Variants in NPLOC4 observed in about 807,000 individuals in gnomAD.
NPLOC4 encodes NPL4 homolog, ubiquitin recognition factor.
NPLOC4 carries 18 observed loss-of-function variants against 80.6 expected under a neutral mutation model. The observed-to-expected ratio is 0.22, with a 90% CI of 0.15 to 0.33. NPLOC4 has a LOEUF of 0.33. Ranked by LOEUF, NPLOC4 falls within the 10% of genes least tolerant of loss-of-function variation. The pLI is 1.00. For synonymous variants in NPLOC4, 313 were observed against 301.5 expected (o/e 1.04, Z -0.39); for missense variants, 540 against 786.1 (o/e 0.69, Z 3.74).
chr17:81,603,061 T>TA, intron 8 of NPLOC4, among the ~76,000 whole-genome samples: 1 of 149,812 alleles, frequency 6.7e-6, no homozygotes, highest in Non-Finnish European at 1.5e-5. Flanking sequence ...CCCAGACACT[T>TA]GGGAGGCTGA....
At chr17:81,631,406 G>C in intron 1 of NPLOC4, among the ~76,000 whole-genome samples, 1 of 119,332 alleles carries the variant, frequency 8.4e-6, no homozygotes, top group Non-Finnish European at 1.8e-5. Flanking sequence ...GTGCATATAT[G>C]CATATTAAAG....
At chr17:81,599,073 G>C (rs2034996839) in intron 9 of NPLOC4, among the ~76,000 whole-genome samples, 1 of 152,226 alleles carries the variant, frequency 6.6e-6, no homozygotes, top group African/African-American at 2.4e-5. Flanking sequence ...TGGATCACCT[G>C]AGGTCGAGAG....
intron 16 of NPLOC4, 76 bp from the exon 17 acceptor site, chr17:81,559,492 G>T: frequency 6.7e-7 from 1 of 1,481,550 alleles, no homozygotes; most frequent in Non-Finnish European, 9.1e-7. Flanking sequence ...CATGGGGGCA[G>T]GGGCAGGCAG....
chr17:81,601,158 T>C (rs1286213329), intron 8 of NPLOC4, among the ~76,000 whole-genome samples: 2 of 152,190 alleles, frequency 1.3e-5, no homozygotes, highest in Non-Finnish European at 2.9e-5. Context: ...TTGCGGGTCA[T>C]TCAAAGGTAT....
intron 12 of NPLOC4, among the ~76,000 whole-genome samples, chr17:81,579,683 C>G (rs62073414): frequency 0.082 from 12,524 of 152,218 alleles, 589 homozygotes; most frequent in Middle Eastern, 0.17. Flanking sequence ...CCCTTCCTCT[C>G]TGTGTGCCAA....
chr17:81,628,649 C>T (rs1445854812), intron 2 of NPLOC4, among the ~76,000 whole-genome samples: 1 of 152,116 alleles, frequency 6.6e-6, no homozygotes, highest in African/African-American at 2.4e-5. Context: ...TGAAGAGAAA[C>T]AACACCAGAC....
rs543940130 is a variant in NPLOC4 at position 81,577,031 on chromosome 17, C to T, written c.1282-4943G>A. 2.4e-4 allele frequency among the ~76,000 whole-genome samples: 37 copies of T among 152,222 alleles called. No homozygotes were observed. The highest frequency in any genetic ancestry group is 4.6e-4 in the Non-Finnish European group (31 of 68,038). ...TAAAGCATGCACTAAGAATGAGTTA[C>T]AGGGTCCACCAAGTGCTGTTCACAG... is the stretch of plus-strand genomic sequence containing the variant. On this transcript the variant is annotated intron_variant, in intron 12 of 16. Coordinates refer to ENST00000331134, the MANE Select transcript of NPLOC4 (RefSeq NM_017921.4). This position sits in a 1 kb window ranked among gnomAD's most constrained non-coding sequence, Gnocchi z 4.3.
intron 1 of NPLOC4, among the ~76,000 whole-genome samples, chr17:81,632,830 C>G (rs1461271342): frequency 6.6e-6 from 1 of 152,092 alleles, no homozygotes; most frequent in Admixed American, 6.6e-5. Context: ...TCTAGATTTT[C>G]CTAAAATAGG....
At chr17:81,579,897 A>C (rs1598630065) in intron 12 of NPLOC4, among the ~76,000 whole-genome samples, 2 of 147,896 alleles carry the variant, frequency 1.4e-5, no homozygotes, top group Non-Finnish European at 3.0e-5. Context: ...CTGTGAGCTC[A>C]CCCCCCATTC....
intron 16 of NPLOC4, chr17:81,564,080 C>CG (rs1163667047): frequency 9.2e-6 from 2 of 216,242 alleles, no homozygotes. Context: ...GGCTCCAGCT[C>CG]AAAACACACA....
In NPLOC4 at chr17:81,588,989, G is replaced by C; in HGVS notation, c.1236C>G (p.Ala412=). 1 of 1,613,980 alleles carries C rather than the reference G, an allele frequency of 6.2e-7. No individual in the cohort carries two copies. Among genetic ancestry groups the C allele is most frequent in the Non-Finnish European group, 8.5e-7 (1 of 1,179,880 alleles). The change falls in exon 12 of 17, where the codon GCC becomes GCG. Residue 412 remains alanine, a synonymous_variant. Transcript: ENST00000331134. ...PCKDAPELGY[A]KESSSEQYVP... is the part of the protein sequence containing the mutation. ...CGTACTGCTCACTGCTAGACTCCTT[G>C]GCGTAGCCAAGCTCCGGGGCGTCCT...
At chr17:81,635,106 C>T (rs1370970410) in intron 1 of NPLOC4, among the ~76,000 whole-genome samples, 1 of 151,804 alleles carries the variant, frequency 6.6e-6, no homozygotes, top group African/African-American at 2.4e-5. Flanking sequence ...TTTTGGTATG[C>T]CAAGGCGGGC....
At chr17:81,631,812 T>C (rs1012679642) in intron 1 of NPLOC4, among the ~76,000 whole-genome samples, 23 of 151,992 alleles carry the variant, frequency 1.5e-4, no homozygotes, top group African/African-American at 2.4e-4. Context: ...ATTTTTTTTT[T>C]CCCCGAGATG....
rs2034401437 is a variant in NPLOC4 at position 81,580,146 on chromosome 17, G to A, written c.1282-8058C>T. The stretch of plus-strand genomic sequence containing the variant: ...TCTCCTCAGCCATCCCCTCCAGGAT[G>A]GACAACTCGGCCTCTCACCAGGCCT... On this transcript the variant is annotated intron_variant, in intron 12 of 16. Coordinates refer to ENST00000331134, the MANE Select transcript of NPLOC4 (RefSeq NM_017921.4). The surrounding 1 kb of genome is among the most constrained non-coding windows in gnomAD (Gnocchi z 4.4). 2.0e-5 allele frequency among the ~76,000 whole-genome samples: 3 copies of A among 152,112 alleles called. No individual in the cohort carries two copies. The highest frequency in any genetic ancestry group is 2.0e-4 in the Admixed American group (3 of 15,278).
In NPLOC4 at chr17:81,582,980, G is replaced by A. The variant is rs79931779; in HGVS notation, c.1281+5964C>T. 7.8e-3 allele frequency among the ~76,000 whole-genome samples: 1,181 copies of A among 152,378 alleles called. 8 individuals carry two copies. Among genetic ancestry groups the A allele is most frequent in the African/African-American group, 0.027 (1,131 of 41,598 alleles). ...GGCCAGGGCCAGGCCTCCTCCCTGC[G>A]GCGCCGCCCCTGCGCACTCACAACT... On this transcript the variant is annotated intron_variant, in intron 12 of 16. Coordinates refer to ENST00000331134, the MANE Select transcript of NPLOC4 (RefSeq NM_017921.4).
At chr17:81,634,439 A>G (rs2036014163) in intron 1 of NPLOC4, among the ~76,000 whole-genome samples, 1 of 127,600 alleles carries the variant, frequency 7.8e-6, no homozygotes, top group African/African-American at 3.2e-5. Context: ...AGCCTTATAC[A>G]CTAGTGGGAA....
intron 16 of NPLOC4, among the ~76,000 whole-genome samples, chr17:81,561,571 C>A (rs565469924): frequency 3.0e-4 from 46 of 152,120 alleles, no homozygotes; most frequent in Non-Finnish European, 5.4e-4. Flanking sequence ...TGAAGAGATT[C>A]AACTTAATAA....
intron 1 of NPLOC4, 25 bp downstream of exon 1, chr17:81,636,890 CG>C: frequency 7.1e-7 from 1 of 1,407,542 alleles, no homozygotes. Flanking sequence ...CCGGCGTCCC[CG>C]CTCCCGCCCG....
intron 16 of NPLOC4, chr17:81,563,079 CT>C (rs1172733109): frequency 2.0e-3 from 293 of 143,814 alleles, no homozygotes; most frequent in Admixed American, 2.0e-3. Context: ...AAGACCACAT[CT>C]TTTTTTTTTT....
Sources: allele counts gnomAD v4.1 joint callset (sites outside exome capture counted in the v4.1 genomes callset), GRCh38; gene constraint gnomAD v4.1.1; non-coding constraint Gnocchi (gnomAD v3.1); transcripts MANE v1.5; gene names NCBI Gene and HGNC (gene_info 2026-07-23, HGNC 2026-07-21).